Variants in RBFOX1 observed in about 807,000 individuals in gnomAD.
RBFOX1 encodes RNA binding protein fox-1 homolog 1.
Under a neutral mutation model 57.7 loss-of-function variants are expected in RBFOX1, and 8 were observed. The observed-to-expected ratio is 0.14, with a 90% CI of 0.08 to 0.25. The LOEUF (loss-of-function observed/expected upper bound fraction) is 0.25, where lower values mean the gene tolerates loss of function less well. RBFOX1 is among the 10% of genes least tolerant of loss of function. The probability of loss-of-function intolerance (pLI) is 1.00; values close to 1 mark genes in which losing one functional copy is unlikely to be tolerated. For synonymous variants in RBFOX1, 326 were observed against 222.4 expected (o/e 1.47, Z -4.15); for missense variants, 611 against 548.5 (o/e 1.11, Z -1.14).
At chr16:5,259,171 A>G (rs1057385890) in intron 1 of RBFOX1, among the ~76,000 whole-genome samples, 5 of 150,870 alleles carry the variant, frequency 3.3e-5, no homozygotes, top group Non-Finnish European at 7.4e-5. Flanking sequence ...ATGAATATTT[A>G]TAGGTTTCTT....
intron 4 of RBFOX1, among the ~76,000 whole-genome samples, chr16:7,287,043 T>C (rs570902652): frequency 1.3e-5 from 2 of 152,254 alleles, no homozygotes; most frequent in African/African-American, 2.4e-5. Context: ...TGTAGGAGTG[T>C]GAGGATGTGT....
chr16:6,533,477 CT>C (rs2096689192), intron 2 of RBFOX1, among the ~76,000 whole-genome samples: 1 of 151,770 alleles, frequency 6.6e-6, no homozygotes, highest in African/African-American at 2.4e-5. Context: ...AGCAGTGGTT[CT>C]GGACTCTACA....
chr16:6,044,242 A>G (rs901210822), intron 1 of RBFOX1, among the ~76,000 whole-genome samples: 3 of 152,200 alleles, frequency 2.0e-5, no homozygotes, highest in African/African-American at 7.2e-5. Context: ...CCCTTGCCAG[A>G]GATGTTGATG....
At chr16:7,284,411 G>A (rs960845836) in intron 4 of RBFOX1, among the ~76,000 whole-genome samples, 3 of 152,084 alleles carry the variant, frequency 2.0e-5, no homozygotes, top group Admixed American at 1.3e-4. Flanking sequence ...GCTCACTGCA[G>A]CCTTGAAATC....
intron 2 of RBFOX1, among the ~76,000 whole-genome samples, chr16:6,567,770 C>G (rs1057301856): frequency 1.3e-5 from 2 of 152,246 alleles, no homozygotes; most frequent in East Asian, 3.9e-4. Flanking sequence ...TACAAAGCAA[C>G]AAATTAAGCA....
At chr16:6,234,822 C>G (rs950023183) in intron 1 of RBFOX1, among the ~76,000 whole-genome samples, 2 of 152,036 alleles carry the variant, frequency 1.3e-5, no homozygotes, top group African/African-American at 2.4e-5. Context: ...CACAGACACA[C>G]ACACACACAC....
At chr16:7,650,012 A>AGGACAGGAAGGAGGGAG in intron 11 of RBFOX1, among the ~76,000 whole-genome samples, 1 of 149,930 alleles carries the variant, frequency 6.7e-6, no homozygotes, top group East Asian at 2.0e-4. Context: ...GGAGGAGGGA[A>AGGACAGGAAGGAGGGAG]GACAAAAGGA....
At chr16:7,235,637 G>C (rs75341597) in intron 4 of RBFOX1, among the ~76,000 whole-genome samples, 1 of 152,336 alleles carries the variant, frequency 6.6e-6, no homozygotes, top group African/African-American at 2.4e-5. Context: ...TTAGCCTTTT[G>C]TGGGATGAAT....
intron 2 of RBFOX1, among the ~76,000 whole-genome samples, chr16:5,556,024 AAAAC>A (rs142881757): frequency 0.048 from 7,328 of 151,984 alleles, 520 homozygotes; most frequent in African/African-American, 0.16. Context: ...CTGTCTCAAA[AAAAC>A]AAACAAACAA....
intron 1 of RBFOX1, among the ~76,000 whole-genome samples, chr16:5,457,225 C>T (rs1254749149): frequency 2.0e-5 from 3 of 152,158 alleles, no homozygotes; most frequent in Non-Finnish European, 4.4e-5. Flanking sequence ...CAACCTCTAC[C>T]TCCCGGGTTC....
chr16:7,672,277 A>G (rs937218416), intron 13 of RBFOX1, among the ~76,000 whole-genome samples: 7 of 152,220 alleles, frequency 4.6e-5, no homozygotes, highest in African/African-American at 1.4e-4. Flanking sequence ...AATTTGGTCT[A>G]TTACCCACAT....
chr16:6,304,609 A>G (rs555459293), intron 1 of RBFOX1, among the ~76,000 whole-genome samples: 1 of 152,198 alleles, frequency 6.6e-6, no homozygotes, highest in African/African-American at 2.4e-5. Context: ...GGTGACCAGC[A>G]TGGTGGTGCT....
chr16:7,086,552 TAAAGG>T (rs1215997869), intron 4 of RBFOX1, among the ~76,000 whole-genome samples: 1 of 152,066 alleles, frequency 6.6e-6, no homozygotes, highest in Non-Finnish European at 1.5e-5. Context: ...GAAAAACTAA[TAAAGG>T]AAAAGTGATT....
intron 3 of RBFOX1, among the ~76,000 whole-genome samples, chr16:5,810,274 A>G (rs544426230): frequency 3.9e-5 from 6 of 152,236 alleles, no homozygotes; most frequent in South Asian, 2.1e-4. Context: ...ATGTATACAT[A>G]TGTAACTAAC....
chr16:5,978,492 G>A (rs1472475199), intron 4 of RBFOX1, among the ~76,000 whole-genome samples: 1 of 152,088 alleles, frequency 6.6e-6, no homozygotes. Context: ...GAAGCGACCA[G>A]CGTTGCTATA....
intron 2 of RBFOX1, among the ~76,000 whole-genome samples, chr16:6,385,459 A>C (rs530016035): frequency 6.6e-6 from 1 of 152,268 alleles, no homozygotes; most frequent in African/African-American, 2.4e-5. Context: ...TCCCAGGATC[A>C]AGTGATTCTC....
chr16:5,532,680 G>C (rs1449330032), intron 2 of RBFOX1, among the ~76,000 whole-genome samples: 1 of 152,150 alleles, frequency 6.6e-6, no homozygotes, highest in Admixed American at 6.5e-5. Context: ...TCAATGCTGT[G>C]CTCTGAGCTT....
At position 6,357,047 on chromosome 16, in the gene RBFOX1, A is replaced by T. The variant is rs143309343; in HGVS notation, c.-64+39990A>T. On this transcript the variant is annotated intron_variant, in intron 2 of 15. Transcript: ENST00000550418. ...TGATTCTGCTGTCCTGCACCCGGGG[A>T]CCTCTATTTGGAGCAGTATTTGGCC... Among the ~76,000 whole-genome samples the T allele has an allele frequency of 1.5e-3, 226 of 151,634 alleles. 6 individuals are homozygous for T. The East Asian group carries it at 0.043, about 29-fold the overall frequency.
chr16:7,445,803 A>G (rs1486192848), intron 4 of RBFOX1, among the ~76,000 whole-genome samples: 1 of 152,202 alleles, frequency 6.6e-6, no homozygotes, highest in Non-Finnish European at 1.5e-5. Flanking sequence ...TACCTAATCT[A>G]CAACAACAAA....
Sources: gnomAD v4.1 joint callset for allele counts (sites outside exome capture counted in the v4.1 genomes callset) on GRCh38, gnomAD v4.1.1 for gene constraint, MANE v1.5 for transcripts, NCBI Gene and HGNC (gene_info 2026-07-23, HGNC 2026-07-21) for gene names.